KIRREL1: variants seen among roughly 807,000 people sequenced by gnomAD.
KIRREL1 encodes the protein kin of IRRE-like protein 1.
A neutral mutation model predicts 83.3 loss-of-function variants in KIRREL1; 25 were observed. The observed-to-expected ratio is 0.30, with a 90% CI of 0.22 to 0.42. The LOEUF is 0.42. Ranked by LOEUF, KIRREL1 falls within the 10% of genes least tolerant of loss-of-function variation. The probability of loss-of-function intolerance (pLI) is 1.00; values close to 1 mark genes in which losing one functional copy is unlikely to be tolerated. For synonymous variants in KIRREL1, 388 were observed against 410.4 expected (o/e 0.95, Z 0.66); for missense variants, 812 against 1,032.3 (o/e 0.79, Z 2.92).
At chr1:158,020,294 C>T (rs1280623550) in intron 1 of KIRREL1, among the ~76,000 whole-genome samples, 3 of 152,138 alleles carry the variant, frequency 2.0e-5, no homozygotes, top group Non-Finnish European at 2.9e-5. Flanking sequence ...AATGACCCCA[C>T]TTCCCATCCT....
chr1:158,046,493 G>C (rs891396523), intron 1 of KIRREL1, among the ~76,000 whole-genome samples: 60 of 152,126 alleles, frequency 3.9e-4, no homozygotes, highest in African/African-American at 1.3e-3. Context: ...GGTCTGAGCT[G>C]GGATAGAACA....
At chr1:158,051,773 C>A (rs1404689286) in intron 1 of KIRREL1, among the ~76,000 whole-genome samples, 1 of 152,190 alleles carries the variant, frequency 6.6e-6, no homozygotes, top group Non-Finnish European at 1.5e-5. Context: ...GGCCACCAGG[C>A]CACTTGCCAT....
chr1:158,040,384 T>C (rs141663959), intron 1 of KIRREL1, among the ~76,000 whole-genome samples: 76 of 152,372 alleles, frequency 5.0e-4, no homozygotes, highest in African/African-American at 1.7e-3. Flanking sequence ...ACTGTGACTT[T>C]AGAGTCAGAC....
Position 158,089,560 on chromosome 1 carries a change from C to T in KIRREL1, c.1103C>T (p.Thr368Ile), listed in dbSNP as rs185656135. The T allele has an allele frequency of 6.2e-7, 1 of 1,614,178 alleles. No individual in the cohort carries two copies. The highest frequency in any genetic ancestry group is 1.3e-5 in the African/African-American group (1 of 75,058). The change falls in exon 9 of 15, where the codon ACC (threonine) becomes ATC (isoleucine). Residue 368 changes from threonine to isoleucine, a missense_variant. By Grantham distance (89) the Thr-to-Ile change is moderately conservative. Around this residue, in one of 3 missense-constraint regions of KIRREL1, gnomAD observed 472 missense variants for 626.8 expected, o/e 0.75. Transcript: ENST00000359209. The stretch of plus-strand genomic sequence containing the variant: ...TCGGTGACTCAGGCAGACGCTGGCA[C>T]CTACACCTGCCGGGCCATCGTGCCT... ...LKSVTQADAG[T>I]YTCRAIVPRI...
Position 158,095,351 on chromosome 1 carries a change from T to C in KIRREL1, c.*231T>C. 1 of 507,090 alleles carries C rather than the reference T, an allele frequency of 2.0e-6. No homozygotes were observed. The highest frequency in any genetic ancestry group is 3.1e-5 in the South Asian group (1 of 32,344). 31.4% of individuals were successfully genotyped at this position (507,090 alleles called of 1,614,324 possible). A position where few individuals can be genotyped will look rare whatever the true frequency, so the allele number is the denominator to read the frequency against. ...TCCCTCTTCTTCGGGAGGATGTGTC[T>C]CTTCTGACCTGCACTCTTGCCTGAC... On this transcript the variant is annotated 3_prime_UTR_variant, in exon 15 of 15. Transcript: ENST00000359209.
At chr1:158,003,801 GAAA>G (rs5778061) in intron 1 of KIRREL1, among the ~76,000 whole-genome samples, 27 of 147,852 alleles carry the variant, frequency 1.8e-4, no homozygotes, top group South Asian at 6.5e-4. Context: ...CTCTGACTTT[GAAA>G]AAAAAAAAAA....
At chr1:158,073,203 AT>A (rs1279394750) in intron 1 of KIRREL1, among the ~76,000 whole-genome samples, 1 of 152,042 alleles carries the variant, frequency 6.6e-6, no homozygotes, top group Non-Finnish European at 1.5e-5. Flanking sequence ...AATTCCCGAG[AT>A]GTCTTTACTT....
chr1:158,090,884 A>G (rs1430443012), intron 10 of KIRREL1, among the ~76,000 whole-genome samples: 2 of 152,224 alleles, frequency 1.3e-5, no homozygotes, highest in Admixed American at 1.3e-4. Context: ...AATAAGGCCT[A>G]GAAAGGGACA....
intron 3 of KIRREL1, among the ~76,000 whole-genome samples, chr1:158,080,403 A>C (rs1194529996): frequency 1.3e-5 from 2 of 152,168 alleles, no homozygotes; most frequent in Non-Finnish European, 2.9e-5. Flanking sequence ...GGAGAATATC[A>C]AGGGGAACCC....
intron 1 of KIRREL1, among the ~76,000 whole-genome samples, chr1:158,012,236 T>G (rs972551478): frequency 4.6e-5 from 7 of 152,160 alleles, no homozygotes; most frequent in African/African-American, 1.7e-4. Context: ...TTTTGGGGCC[T>G]TGGTTTATTC....
At chr1:158,086,994 T>A (rs1662036681) in intron 5 of KIRREL1, among the ~76,000 whole-genome samples, 1 of 152,158 alleles carries the variant, frequency 6.6e-6, no homozygotes, top group Admixed American at 6.5e-5. Context: ...TGGTTTACAC[T>A]CTCTGGGCCT....
Position 158,048,733 on chromosome 1 carries a change from C to T in KIRREL1, c.53-27380C>T, listed in dbSNP as rs964221678. ...GGCCATTAACAACTGAAGTTGAGCA[C>T]CTGTTACAGTAAATACATGTCTGGA... is the stretch of plus-strand genomic sequence containing the variant. On this transcript the variant is annotated intron_variant, in intron 1 of 14. Transcript: ENST00000359209. Among the ~76,000 whole-genome samples the T allele has an allele frequency of 1.6e-4, 25 of 152,274 alleles. No homozygotes were observed. The Middle Eastern group carries it at 0.01, about 62-fold the overall frequency.
intron 1 of KIRREL1, among the ~76,000 whole-genome samples, chr1:158,027,402 C>T (rs912028766): frequency 2.6e-5 from 4 of 152,180 alleles, no homozygotes; most frequent in Admixed American, 2.6e-4. Context: ...ATGAAGGCTT[C>T]ATTACATAGG....
At position 158,087,638 on chromosome 1, in the gene KIRREL1, C is replaced by T. The variant is rs1420702759; in HGVS notation, c.662-117C>T. 3.1e-5 allele frequency: 21 copies of T among 685,360 alleles called. 1 individual carries two copies. Among genetic ancestry groups the T allele is most frequent in the South Asian group, 2.4e-4 (12 of 49,404 alleles). 42.5% of individuals were successfully genotyped at this position (685,360 alleles called of 1,614,324 possible). On this transcript the variant is annotated intron_variant, in intron 5 of 14. Transcript: ENST00000359209. ...TGTGTTAACTGGAGCCGATACACTG[C>T]AACCTCAAATTCCTAGATCCCCGCC...
chr1:158,056,200 C>T lies in KIRREL1; in HGVS notation c.53-19913C>T, dbSNP rs572575724. 2.0e-5 allele frequency among the ~76,000 whole-genome samples: 3 copies of T among 152,328 alleles called. No homozygotes were observed. The East Asian group carries it at 5.8e-4, about 29-fold the overall frequency. ...GTTTGTCAACACCATTCCCTTTCACCTCTGGGCTTGCCTGGAGGCCACTCG... is the reference window on the plus strand; with the variant it reads ...GTTTGTCAACACCATTCCCTTTCACTTCTGGGCTTGCCTGGAGGCCACTCG... On this transcript the variant is annotated intron_variant, in intron 1 of 14. Coordinates refer to ENST00000359209, the MANE Select transcript of KIRREL1 (RefSeq NM_018240.7).
intron 1 of KIRREL1, among the ~76,000 whole-genome samples, chr1:158,041,741 G>C (rs969520471): frequency 1.3e-5 from 2 of 152,176 alleles, no homozygotes; most frequent in Admixed American, 6.5e-5. Flanking sequence ...TACTGTGTGC[G>C]TGATGGTGAA....
intron 2 of KIRREL1, among the ~76,000 whole-genome samples, chr1:158,076,662 C>T (rs1025264042): frequency 2.0e-5 from 3 of 152,140 alleles, no homozygotes; most frequent in African/African-American, 7.2e-5. Flanking sequence ...GCAAGTGTCT[C>T]ATGCCGGCCT....
chr1:158,078,518 G>A (rs528418316), intron 3 of KIRREL1, among the ~76,000 whole-genome samples: 1 of 152,126 alleles, frequency 6.6e-6, no homozygotes, highest in South Asian at 2.1e-4. Flanking sequence ...GTGAGGGGGC[G>A]TCTCCCTTCC....
rs1374693806 is a variant in KIRREL1 at position 158,076,247 on chromosome 1, G to A, written c.187G>A (p.Gly63Ser). 1.9e-6 allele frequency: 3 copies of A among 1,613,956 alleles called. No homozygotes were observed. The African/African-American group carries it at 4.0e-5, about 22-fold the overall frequency. The part of the protein sequence containing the change: ...WTKDGLALGM[G>S]QGLKAWPRYR... ...CAAGGACGGGCTGGCCCTGGGCATG[G>A]GCCAGGGCCTCAAAGGTGAGTGCCT... is the stretch of plus-strand genomic sequence containing the variant. Residue 63 changes from glycine (G) to serine (S), a missense_variant, in exon 2 of 15, where the codon GGC becomes AGC. This residue lies in a region of KIRREL1 where 472 missense variants were observed against 626.8 expected (regional missense o/e 0.75). Coordinates refer to ENST00000359209, the MANE Select transcript of KIRREL1 (RefSeq NM_018240.7).
Sources: allele counts gnomAD v4.1 joint callset (sites outside exome capture counted in the v4.1 genomes callset), GRCh38; gene constraint gnomAD v4.1.1; regional missense constraint gnomAD v4.1.1; transcripts MANE v1.5; gene names NCBI Gene and HGNC (gene_info 2026-07-23, HGNC 2026-07-21).